The following ATP9B variants were observed in gnomAD, a reference collection of about 807,000 sequenced individuals.
ATP9B encodes ATPase phospholipid transporting 9B.
ATP9B carries 110 observed loss-of-function variants against 146.1 expected under a neutral mutation model. That is an observed-to-expected ratio of 0.75 (90% CI 0.65 to 0.88). ATP9B has a LOEUF of 0.88. ATP9B is among the 40% of genes least tolerant of loss of function. ATP9B has a pLI of 0.00. For missense variants in ATP9B, 1,499 were observed against 1,496.4 expected, an observed-to-expected ratio of 1.00 and a Z score of -0.03; for synonymous variants, 604 against 569.7, an observed-to-expected ratio of 1.06 and a Z score of -0.86.
At chr18:79,326,047 C>A (rs577852950) in intron 15 of ATP9B, among the ~76,000 whole-genome samples, 1 of 107,490 alleles carries the variant, frequency 9.3e-6, no homozygotes, top group South Asian at 3.7e-4. Flanking sequence ...ACCTCTGTAC[C>A]CTCCCTCCCC....
At chr18:79,304,633 A>G (rs979742181) in intron 14 of ATP9B, among the ~76,000 whole-genome samples, 1 of 152,216 alleles carries the variant, frequency 6.6e-6, no homozygotes, top group Non-Finnish European at 1.5e-5. Context: ...TGGGTTGTGT[A>G]TAGAGTCTGT....
At chr18:79,342,496 T>A (rs1212736774) in intron 20 of ATP9B, 130 bp downstream of exon 20, 12 of 596,396 alleles carry the variant, frequency 2.0e-5, no homozygotes, top group Non-Finnish European at 5.5e-6. Flanking sequence ...TGTAATTTTT[T>A]TAATTTATAA....
At chr18:79,208,474 C>T (rs1362175633) in intron 10 of ATP9B, among the ~76,000 whole-genome samples, 11 of 152,152 alleles carry the variant, frequency 7.2e-5, no homozygotes. Context: ...TGTCACACAA[C>T]AGGGCAGCTT....
At chr18:79,073,895 C>T (rs564684557) in intron 1 of ATP9B, among the ~76,000 whole-genome samples, 20 of 152,252 alleles carry the variant, frequency 1.3e-4, no homozygotes, top group Non-Finnish European at 1.8e-4. Context: ...AGCTCAGTGT[C>T]GGTGTCATGT....
intron 2 of ATP9B, among the ~76,000 whole-genome samples, chr18:79,103,320 G>T (rs138628104): frequency 6.9e-6 from 1 of 145,948 alleles, no homozygotes; most frequent in Non-Finnish European, 1.5e-5. Flanking sequence ...ACAAAACAAA[G>T]CATTGGCAGG....
At chr18:79,132,444 T>C (rs9947184) in intron 5 of ATP9B, among the ~76,000 whole-genome samples, 58,759 of 151,952 alleles carry the variant, frequency 0.39, 11,794 homozygotes, top group East Asian at 0.52. Context: ...AGCTGCGGTT[T>C]GTGAATAGTT....
chr18:79,315,569 G>A (rs368345501), intron 15 of ATP9B, among the ~76,000 whole-genome samples: 20 of 152,264 alleles, frequency 1.3e-4, no homozygotes, highest in African/African-American at 3.9e-4. Flanking sequence ...ACAGTGTAGC[G>A]GGTAGCTGCC....
At chr18:79,092,507 A>G (rs1787266) in intron 1 of ATP9B, among the ~76,000 whole-genome samples, 20,040 of 152,092 alleles carry the variant, frequency 0.13, 1,914 homozygotes, top group African/African-American at 0.27. Context: ...TTAATTTTTA[A>G]AAACTTATTG....
intron 7 of ATP9B, among the ~76,000 whole-genome samples, chr18:79,159,166 C>T (rs1490815578): frequency 6.6e-6 from 1 of 152,122 alleles, no homozygotes; most frequent in Non-Finnish European, 1.5e-5. Context: ...TTGTAGACAG[C>T]ATGTAATTGC....
chr18:79,106,654 T>A (rs1041417207), intron 2 of ATP9B, among the ~76,000 whole-genome samples: 3 of 152,244 alleles, frequency 2.0e-5, no homozygotes, highest in Non-Finnish European at 2.9e-5. Flanking sequence ...AGCACAGTGA[T>A]ACAAATAACA....
At chr18:79,228,930 G>A (rs1600670831) in intron 11 of ATP9B, among the ~76,000 whole-genome samples, 2 of 152,220 alleles carry the variant, frequency 1.3e-5, no homozygotes, top group South Asian at 4.2e-4. Context: ...GGAGACTCAG[G>A]TGGGAGGATC....
At chr18:79,362,737 C>G (rs1319143057) in intron 26 of ATP9B, 1 of 152,212 alleles carries the variant, frequency 6.6e-6, no homozygotes, top group Non-Finnish European at 1.5e-5. Flanking sequence ...CAAAATATCT[C>G]AGACTGTGGC....
chr18:79,238,819 A>G (rs1599176635), intron 11 of ATP9B, among the ~76,000 whole-genome samples: 1 of 152,116 alleles, frequency 6.6e-6, no homozygotes, highest in East Asian at 1.9e-4. Flanking sequence ...CCAAAGAGGG[A>G]AATATCTGCA....
intron 26 of ATP9B, among the ~76,000 whole-genome samples, chr18:79,368,292 C>T (rs776871612): frequency 7.9e-5 from 12 of 152,210 alleles, no homozygotes; most frequent in Admixed American, 2.0e-4. Context: ...CCCAGCTGCC[C>T]GGGCTGGAGA....
intron 10 of ATP9B, among the ~76,000 whole-genome samples, chr18:79,211,143 G>A (rs2095580541): frequency 6.6e-6 from 1 of 152,160 alleles, no homozygotes; most frequent in Non-Finnish European, 1.5e-5. Context: ...TACTTGTTTG[G>A]AAGTGCTGGA....
chr18:79,214,832 C>T (rs1273313769), intron 11 of ATP9B, among the ~76,000 whole-genome samples: 1 of 152,122 alleles, frequency 6.6e-6, no homozygotes, highest in Non-Finnish European at 1.5e-5. Context: ...GTCTTATTAA[C>T]GCAGTGGAAA....
chr18:79,197,450 G>A (rs979022175), intron 9 of ATP9B, among the ~76,000 whole-genome samples: 6 of 151,940 alleles, frequency 3.9e-5, no homozygotes, highest in Admixed American at 1.3e-4. Context: ...ACATATAAAG[G>A]TTAAGGTCAT....
At chr18:79,123,324 AAAAG>A (rs2094221864) in intron 4 of ATP9B, among the ~76,000 whole-genome samples, 3 of 152,326 alleles carry the variant, frequency 2.0e-5, no homozygotes, top group Non-Finnish European at 4.4e-5. Context: ...AATCTCATCA[AAAAG>A]AAAATTATAG....
At chr18:79,219,844 T>C (rs954801947) in intron 11 of ATP9B, among the ~76,000 whole-genome samples, 2 of 152,172 alleles carry the variant, frequency 1.3e-5, no homozygotes, top group African/African-American at 2.4e-5. Context: ...ACACTTTCGG[T>C]AGTGAAATTG....
Sources: allele counts gnomAD v4.1 joint callset (sites outside exome capture counted in the v4.1 genomes callset), GRCh38; gene constraint gnomAD v4.1.1; transcripts MANE v1.5; gene names NCBI Gene and HGNC (gene_info 2026-07-23, HGNC 2026-07-21).